MEGF10: variants seen among roughly 807,000 people sequenced by gnomAD.
MEGF10 encodes multiple EGF like domains 10.
In MEGF10, 86 loss-of-function variants were observed where a neutral mutation model predicts 147.5. That is an observed-to-expected ratio of 0.58 (90% CI 0.49 to 0.70). MEGF10 has a LOEUF of 0.70. Among genes scored for constraint, MEGF10 ranks in the 30% least tolerant of loss-of-function variants. MEGF10 has a pLI of 0.00. For synonymous variants in MEGF10, 478 were observed against 525.5 expected (o/e 0.91, Z 1.24); for missense variants, 1,329 against 1,487.3 (o/e 0.89, Z 1.75).
At chr5:127,393,468 G>C (rs1373385208) in intron 5 of MEGF10, among the ~76,000 whole-genome samples, 1 of 152,326 alleles carries the variant, frequency 6.6e-6, no homozygotes, top group East Asian at 1.9e-4. Context: ...ATGAAGAAAG[G>C]AAAGGAAGTC....
chr5:127,452,583 T>A (rs1268851538), intron 22 of MEGF10, among the ~76,000 whole-genome samples: 1 of 152,106 alleles, frequency 6.6e-6, no homozygotes. Context: ...GGGGGCTCAG[T>A]CATATAGACA....
At chr5:127,430,449 G>A (rs894298730) in intron 13 of MEGF10, among the ~76,000 whole-genome samples, 2 of 152,282 alleles carry the variant, frequency 1.3e-5, no homozygotes, top group East Asian at 3.9e-4. Context: ...TTACATGGAA[G>A]TCACATCAGC....
chr5:127,409,812 C>A (rs1374513834), intron 8 of MEGF10: 2 of 153,906 alleles, frequency 1.3e-5, no homozygotes, highest in African/African-American at 2.4e-5. Flanking sequence ...CTCAGAGTTT[C>A]CCAGATCTAA....
intron 5 of MEGF10, among the ~76,000 whole-genome samples, chr5:127,377,050 A>G (rs575190850): frequency 6.6e-6 from 1 of 152,320 alleles, no homozygotes; most frequent in East Asian, 1.9e-4. Context: ...CATTAATACT[A>G]GAGATGATGA....
chr5:127,448,201 C>G (rs1332684684), intron 21 of MEGF10, among the ~76,000 whole-genome samples: 3 of 152,150 alleles, frequency 2.0e-5, no homozygotes, highest in African/African-American at 7.2e-5. Context: ...CATGAAATTG[C>G]TATTTTTGTA....
intron 8 of MEGF10, among the ~76,000 whole-genome samples, chr5:127,408,024 T>C (rs1764400030): frequency 1.3e-5 from 2 of 152,234 alleles, no homozygotes; most frequent in African/African-American, 4.8e-5. Flanking sequence ...CTTTTTGTTT[T>C]ATATTTATAA....
intron 4 of MEGF10, among the ~76,000 whole-genome samples, chr5:127,346,502 T>C (rs1295290446): frequency 6.6e-6 from 1 of 152,238 alleles, no homozygotes; most frequent in Non-Finnish European, 1.5e-5. Flanking sequence ...CATTTATATA[T>C]CTTCTTTTGA....
chr5:127,318,097 C>A (rs1386535341), intron 1 of MEGF10, among the ~76,000 whole-genome samples: 1 of 152,078 alleles, frequency 6.6e-6, no homozygotes, highest in Non-Finnish European at 1.5e-5. Flanking sequence ...ATGATTAGTG[C>A]CCTTATAAAA....
the MEGF10 span, among the ~76,000 whole-genome samples, chr5:127,240,922 C>A: frequency 6.6e-6 from 1 of 152,110 alleles, no homozygotes; most frequent in Non-Finnish European, 1.5e-5. Flanking sequence ...CTTTCCAGAC[C>A]TAGACATTGG....
At chr5:127,432,256 G>A (rs1580863345) in intron 13 of MEGF10, among the ~76,000 whole-genome samples, 1 of 152,182 alleles carries the variant, frequency 6.6e-6, no homozygotes, top group African/African-American at 2.4e-5. Flanking sequence ...CACCGGAAAT[G>A]GTGTACCAAT....
At chr5:127,450,421 A>C (rs1003818367) in intron 22 of MEGF10, among the ~76,000 whole-genome samples, 2 of 152,222 alleles carry the variant, frequency 1.3e-5, no homozygotes, top group Admixed American at 1.3e-4. Context: ...TGCTTGGTCC[A>C]TACTTAAAGA....
At chr5:127,254,018 A>G in the MEGF10 span, among the ~76,000 whole-genome samples, 1 of 152,166 alleles carries the variant, frequency 6.6e-6, no homozygotes, top group Admixed American at 6.5e-5. Context: ...TATAACAGCA[A>G]TCTACAGCTT....
intron 4 of MEGF10, among the ~76,000 whole-genome samples, chr5:127,363,516 TCTGTCTCTTGAAA>T (rs1382832363): frequency 6.6e-6 from 1 of 152,144 alleles, no homozygotes; most frequent in African/African-American, 2.4e-5. Flanking sequence ...ACCACCTGAA[TCTGTCTCTTGAAA>T]CTGTTTTCCA....
chr5:127,389,392 C>A (rs1394298819), intron 5 of MEGF10, among the ~76,000 whole-genome samples: 1 of 152,166 alleles, frequency 6.6e-6, no homozygotes, highest in African/African-American at 2.4e-5. Flanking sequence ...AGCAGAACTA[C>A]CATTCAACCC....
At chr5:127,256,981 A>T in the MEGF10 span, among the ~76,000 whole-genome samples, 16 of 152,190 alleles carry the variant, frequency 1.1e-4, no homozygotes, top group African/African-American at 3.6e-4. Context: ...GGAGATGGGG[A>T]GTAGGGTATA....
intron 4 of MEGF10, 33 bp downstream of exon 4, chr5:127,340,663 T>A (rs1407377956): frequency 6.3e-7 from 1 of 1,578,824 alleles, no homozygotes; most frequent in Admixed American, 1.7e-5. Context: ...TGAGATTCGC[T>A]AGTTTTTCCC....
chr5:127,348,654 T>C (rs762576763), intron 4 of MEGF10, among the ~76,000 whole-genome samples: 2 of 152,206 alleles, frequency 1.3e-5, no homozygotes, highest in African/African-American at 2.4e-5. Flanking sequence ...ACTATAGTTA[T>C]AAATCCAAAA....
chr5:127,352,982 C>T (rs1258548055), intron 4 of MEGF10, among the ~76,000 whole-genome samples: 1 of 152,220 alleles, frequency 6.6e-6, no homozygotes, highest in African/African-American at 2.4e-5. Flanking sequence ...GATGCTCATT[C>T]TCTCCTCACC....
chr5:127,352,163 T>G (rs941541082), intron 4 of MEGF10, among the ~76,000 whole-genome samples: 4 of 152,138 alleles, frequency 2.6e-5, no homozygotes, highest in Admixed American at 2.6e-4. Flanking sequence ...TAGCCACATC[T>G]TAATGCATTT....
Sources: gnomAD v4.1 joint callset for allele counts (sites outside exome capture counted in the v4.1 genomes callset) on GRCh38, gnomAD v4.1.1 for gene constraint, MANE v1.5 for transcripts, NCBI Gene and HGNC (gene_info 2026-07-23, HGNC 2026-07-21) for gene names.